Variants in XRRA1 observed in about 807,000 individuals in gnomAD.
XRRA1 encodes X-ray radiation resistance-associated protein 1.
XRRA1 carries 69 observed loss-of-function variants against 80.2 expected under a neutral mutation model. The ratio of observed to expected loss-of-function variants is 0.86; its 90% CI spans 0.71 to 1.05. XRRA1 has a LOEUF of 1.05. XRRA1 is among the 50% of genes least tolerant of loss of function. The pLI is 0.00. For synonymous variants in XRRA1, 348 were observed against 389.9 expected, an observed-to-expected ratio of 0.89 and a Z score of 1.27; for missense variants, 967 against 976.4, an observed-to-expected ratio of 0.99 and a Z score of 0.13.
chr11:74,943,890 C>T (rs988463248), intron 2 of XRRA1, among the ~76,000 whole-genome samples: 7 of 152,088 alleles, frequency 4.6e-5, no homozygotes, highest in Admixed American at 2.6e-4. Context: ...GGCACAATCA[C>T]GGCTCATTGT....
intron 10 of XRRA1, among the ~76,000 whole-genome samples, chr11:74,877,406 C>G: frequency 6.6e-6 from 1 of 152,130 alleles, no homozygotes; most frequent in South Asian, 2.1e-4. Flanking sequence ...GTATCAAACT[C>G]TACTGTCATG....
chr11:74,890,600 C>A (rs906475625), intron 10 of XRRA1, among the ~76,000 whole-genome samples: 2 of 152,078 alleles, frequency 1.3e-5, no homozygotes, highest in African/African-American at 4.8e-5. Flanking sequence ...TCAAAAAAAT[C>A]AATGAATCCA....
At chr11:74,900,161 G>T (rs1467583387) in intron 10 of XRRA1, among the ~76,000 whole-genome samples, 1 of 150,496 alleles carries the variant, frequency 6.6e-6, no homozygotes, top group East Asian at 2.0e-4. Flanking sequence ...GCGAAACTCT[G>T]TCTCAAAAAA....
In XRRA1 at chr11:74,843,327, A is replaced by C. The variant is rs763000483; in HGVS notation, c.2276T>G (p.Val759Gly). The change falls in exon 19 of 19, where the codon GTG (valine) becomes GGG (glycine). Residue 759 changes from valine to glycine, a missense_variant. Coordinates refer to ENST00000684022, the MANE Select transcript of XRRA1 (RefSeq NM_001378157.1). ...CATGGGGAGCGGGGTAGTCCCGAAC[A>C]CTGTGCGCAGAGAGCCACTCACCAG... ...RQLVSGSLRT[V>G]FGTTPLPMAC... is the part of the protein sequence containing the mutation. The C allele has an allele frequency of 6.2e-6, 10 of 1,608,368 alleles. No individual in the cohort carries two copies. The highest frequency in any genetic ancestry group is 8.5e-6 in the Non-Finnish European group (10 of 1,177,570).
chr11:74,867,237 G>A (rs1397159134), intron 10 of XRRA1, among the ~76,000 whole-genome samples: 1 of 152,166 alleles, frequency 6.6e-6, no homozygotes, highest in African/African-American at 2.4e-5. Context: ...TAAACAGGTT[G>A]AAATGACAGA....
chr11:74,878,400 C>T (rs1287688789), intron 10 of XRRA1, among the ~76,000 whole-genome samples: 2 of 151,626 alleles, frequency 1.3e-5, no homozygotes, highest in Non-Finnish European at 3.0e-5. Flanking sequence ...AAATTTTCTC[C>T]CATTTTGTAG....
At chr11:74,922,551 C>T (rs1011892008) in intron 7 of XRRA1, among the ~76,000 whole-genome samples, 2 of 152,188 alleles carry the variant, frequency 1.3e-5, no homozygotes, top group African/African-American at 4.8e-5. Flanking sequence ...ATGTGCTTCC[C>T]TGTGCCCCCC....
chr11:74,870,109 C>T (rs557097262), intron 10 of XRRA1, among the ~76,000 whole-genome samples: 16 of 152,324 alleles, frequency 1.1e-4, no homozygotes, highest in East Asian at 1.9e-4. Context: ...CAAAAACATT[C>T]GGTGTCTGAT....
intron 12 of XRRA1, among the ~76,000 whole-genome samples, chr11:74,857,241 C>G (rs2041318573): frequency 6.6e-6 from 1 of 152,066 alleles, no homozygotes; most frequent in Non-Finnish European, 1.5e-5. Flanking sequence ...CAGCTATATG[C>G]TGTCTAAAAG....
chr11:74,927,539 G>A (rs1247379461), intron 6 of XRRA1, 51 bp from the exon 7 acceptor site: 5 of 1,252,346 alleles, frequency 4.0e-6, no homozygotes, highest in Non-Finnish European at 5.8e-6. Flanking sequence ...GGACTTAAGA[G>A]AAAGATATTA....
intron 16 of XRRA1, among the ~76,000 whole-genome samples, chr11:74,844,524 A>G (rs1325271196): frequency 2.6e-5 from 4 of 152,198 alleles, no homozygotes; most frequent in South Asian, 2.1e-4. Context: ...GTAATGGGTA[A>G]ATAGTATTGG....
rs1339615103 is a variant in XRRA1, at chr11:74,881,204, T to A, written c.1004-18183A>T. On this transcript the variant is annotated intron_variant, in intron 10 of 18. Coordinates refer to ENST00000684022, the MANE Select transcript of XRRA1 (RefSeq NM_001378157.1). Reference sequence around the variant, plus strand: ...GCTCTTCTTGTTGAATTGATCCCTTTACCATTATTTAATGGCCTTCTTTGT... The same window carrying A: ...GCTCTTCTTGTTGAATTGATCCCTTAACCATTATTTAATGGCCTTCTTTGT... Among the ~76,000 whole-genome samples, 6 of 151,598 alleles carry A rather than the reference T, an allele frequency of 4.0e-5. No individual in the cohort carries two copies. In the East Asian group the frequency reaches 1.2e-3, roughly 29 times the overall value.
At chr11:74,919,466 A>C (rs1313895677) in intron 8 of XRRA1, 1 of 208,114 alleles carries the variant, frequency 4.8e-6, no homozygotes, top group Non-Finnish European at 9.7e-6. Flanking sequence ...TGAATAAACC[A>C]ATCAGTAAAC....
chr11:74,884,163 C>G (rs2048439677), intron 10 of XRRA1, among the ~76,000 whole-genome samples: 6 of 148,846 alleles, frequency 4.0e-5, no homozygotes, highest in Admixed American at 4.0e-4. Context: ...TACTCTGTCT[C>G]AAAAAAAAAA....
chr11:74,879,108 CT>C (rs2046826527), intron 10 of XRRA1, among the ~76,000 whole-genome samples: 1 of 148,596 alleles, frequency 6.7e-6, no homozygotes, highest in African/African-American at 2.5e-5. Flanking sequence ...ATGGAATGTT[CT>C]TCCATTTGTT....
At position 74,940,962 on chromosome 11, in the gene XRRA1, G is replaced by A. The variant is rs561094420; in HGVS notation, c.-4-80C>T. 5.9e-4 allele frequency: 636 copies of A among 1,070,248 alleles called. No homozygotes were observed. In the African/African-American group the frequency reaches 6.0e-3, roughly 10 times the overall value. 66.3% of individuals were successfully genotyped at this position (1,070,248 alleles called of 1,614,324 possible). A position where few individuals can be genotyped will look rare whatever the true frequency, so the allele number is the denominator to read the frequency against. On this transcript the variant is annotated intron_variant, in intron 2 of 18. Transcript: ENST00000684022. ...GCACTCTTACTCCAGTGCAGCTCAT[G>A]AGCCCACCAGGACCACCACACCCGC...
At chr11:74,878,264 T>C (rs2046569076) in intron 10 of XRRA1, among the ~76,000 whole-genome samples, 1 of 151,834 alleles carries the variant, frequency 6.6e-6, no homozygotes, top group Admixed American at 6.5e-5. Context: ...ATGTCTTCTT[T>C]TGAGAAGTGT....
At chr11:74,894,542 CCTT>C (rs940781037) in intron 10 of XRRA1, among the ~76,000 whole-genome samples, 9 of 152,232 alleles carry the variant, frequency 5.9e-5, no homozygotes, top group African/African-American at 2.2e-4. Context: ...GAGGCAGGCA[CCTT>C]CTTCACAAGG....
At chr11:74,873,158 T>C (rs890326557) in intron 10 of XRRA1, among the ~76,000 whole-genome samples, 8 of 152,168 alleles carry the variant, frequency 5.3e-5, no homozygotes, top group African/African-American at 1.7e-4. Flanking sequence ...TCCCACTGCT[T>C]TTCTTAACCA....
Sources: gnomAD v4.1 joint callset for allele counts (sites outside exome capture counted in the v4.1 genomes callset) on GRCh38, gnomAD v4.1.1 for gene constraint, MANE v1.5 for transcripts, NCBI Gene and HGNC (gene_info 2026-07-23, HGNC 2026-07-21) for gene names.